CHRM5: variants seen among roughly 807,000 people sequenced by gnomAD.
The protein encoded by CHRM5 is muscarinic acetylcholine receptor M5.
In CHRM5, 18 loss-of-function variants were observed where a neutral mutation model predicts 39.0. That is an observed-to-expected ratio of 0.46 (90% CI 0.32 to 0.68). The LOEUF (loss-of-function observed/expected upper bound fraction) is 0.68. CHRM5 is among the 30% of genes least tolerant of loss of function. The pLI, the probability that CHRM5 is intolerant of heterozygous loss-of-function variation, is 0.04. For missense variants in CHRM5, 515 were observed against 651.1 expected, an observed-to-expected ratio of 0.79 and a Z score of 2.28; for synonymous variants, 241 against 246.3, an observed-to-expected ratio of 0.98 and a Z score of 0.20.
At chr15:34,000,765 GA>G (rs922338643) in intron 1 of CHRM5, among the ~76,000 whole-genome samples, 1 of 152,052 alleles carries the variant, frequency 6.6e-6, no homozygotes, top group African/African-American at 2.4e-5. Flanking sequence ...ATCCTGAGAA[GA>G]AACTGATAAA....
chr15:34,024,664 A>C (rs1379020560), intron 1 of CHRM5, among the ~76,000 whole-genome samples: 1 of 150,500 alleles, frequency 6.6e-6, no homozygotes, highest in Non-Finnish European at 1.5e-5. Flanking sequence ...CAGCCTGACC[A>C]ACATGGTGAA....
intron 1 of CHRM5, among the ~76,000 whole-genome samples, chr15:34,043,498 A>G (rs1373443767): frequency 1.3e-5 from 2 of 152,116 alleles, no homozygotes; most frequent in African/African-American, 4.8e-5. Context: ...TTTATTTACT[A>G]TGTTGTTTTG....
intron 1 of CHRM5, chr15:34,006,952 G>T: frequency 1.8e-6 from 1 of 557,886 alleles, no homozygotes; most frequent in Non-Finnish European, 2.3e-6. Context: ...ATACTGATCA[G>T]AAAACAAGGT....
chr15:34,039,065 G>A, intron 1 of CHRM5: 4 of 1,091,548 alleles, frequency 3.7e-6, no homozygotes, highest in Non-Finnish European at 4.4e-6. Context: ...CGCTGGCGGT[G>A]CTGAGCGCGC....
chr15:34,014,694 A>G (rs745659605), intron 1 of CHRM5, among the ~76,000 whole-genome samples: 12 of 152,190 alleles, frequency 7.9e-5, no homozygotes, highest in Non-Finnish European at 1.6e-4. Flanking sequence ...ACTCAACTGG[A>G]AAGTTCAGCG....
chr15:33,978,223 C>A (rs192456262), intron 1 of CHRM5, among the ~76,000 whole-genome samples: 1 of 152,130 alleles, frequency 6.6e-6, no homozygotes, highest in African/African-American at 2.4e-5. Flanking sequence ...CAAAGTGACA[C>A]GTATTACTAA....
intron 1 of CHRM5, among the ~76,000 whole-genome samples, chr15:34,032,627 G>A (rs1225046654): frequency 6.6e-6 from 1 of 151,652 alleles, no homozygotes; most frequent in Non-Finnish European, 1.5e-5. Context: ...CATACCTAGG[G>A]GTTCAGAAAG....
chr15:34,010,041 G>A (rs1158327895), intron 1 of CHRM5, among the ~76,000 whole-genome samples: 1 of 151,854 alleles, frequency 6.6e-6, no homozygotes, highest in African/African-American at 2.4e-5. Context: ...AATATATGAA[G>A]CAAAAACTGA....
At chr15:34,061,540 C>T (rs932643296) in intron 2 of CHRM5, among the ~76,000 whole-genome samples, 1 of 152,088 alleles carries the variant, frequency 6.6e-6, no homozygotes, top group Non-Finnish European at 1.5e-5. Flanking sequence ...TTAGTATATG[C>T]ATATGGGAAA....
chr15:33,983,169 TGTATATATACACAC>T (rs1185452963), intron 1 of CHRM5, among the ~76,000 whole-genome samples: 2 of 110,490 alleles, frequency 1.8e-5, no homozygotes, highest in African/African-American at 9.4e-5. Context: ...TATGTGTGTG[TGTATATATACACAC>T]GTGTGTGTAT....
At chr15:34,004,930 A>G (rs913987538) in intron 1 of CHRM5, among the ~76,000 whole-genome samples, 2 of 152,160 alleles carry the variant, frequency 1.3e-5, no homozygotes, top group Non-Finnish European at 2.9e-5. Context: ...GAGTAAAATT[A>G]TTAAAACAAC....
At chr15:34,040,078 C>A (rs773975887) in intron 1 of CHRM5, among the ~76,000 whole-genome samples, 8 of 152,164 alleles carry the variant, frequency 5.3e-5, no homozygotes, top group South Asian at 2.1e-4. Context: ...CTGGTTCTTT[C>A]CTATATCCAT....
chr15:34,036,000 T>C (rs1424234826), intron 1 of CHRM5, among the ~76,000 whole-genome samples: 1 of 152,112 alleles, frequency 6.6e-6, no homozygotes, highest in East Asian at 1.9e-4. Context: ...CTCGTTATGT[T>C]GCCCAGTCTG....
intron 1 of CHRM5, among the ~76,000 whole-genome samples, chr15:33,973,074 T>C (rs781354064): frequency 6.6e-6 from 1 of 152,228 alleles, no homozygotes; most frequent in Non-Finnish European, 1.5e-5. Context: ...TCTCCATTTT[T>C]TGTATTGAAA....
intron 1 of CHRM5, among the ~76,000 whole-genome samples, chr15:34,043,448 A>G (rs1156659404): frequency 6.6e-6 from 1 of 152,186 alleles, no homozygotes; most frequent in Non-Finnish European, 1.5e-5. Flanking sequence ...TATATAAACA[A>G]TGCAAACTGG....
chr15:34,048,270 A>C (rs931422035), intron 2 of CHRM5, among the ~76,000 whole-genome samples: 3 of 152,164 alleles, frequency 2.0e-5, no homozygotes, highest in African/African-American at 7.2e-5. Context: ...GGTTATATGG[A>C]TAGAGCTCTG....
chr15:34,045,244 G>A (rs984585207), intron 1 of CHRM5, among the ~76,000 whole-genome samples: 3 of 152,108 alleles, frequency 2.0e-5, no homozygotes, highest in Non-Finnish European at 2.9e-5. Context: ...GCACACTAGT[G>A]AACACAAAGT....
intron 1 of CHRM5, among the ~76,000 whole-genome samples, chr15:33,975,296 A>G (rs1895837607): frequency 6.6e-6 from 1 of 152,152 alleles, no homozygotes; most frequent in Non-Finnish European, 1.5e-5. Context: ...ACTGCCAAAT[A>G]CTCTAACCTA....
chr15:34,051,927 G>C (rs1456292358), intron 2 of CHRM5, among the ~76,000 whole-genome samples: 1 of 151,840 alleles, frequency 6.6e-6, no homozygotes, highest in Non-Finnish European at 1.5e-5. Context: ...GGTACAAAGA[G>C]CTGGTACCAC....
Sources: allele counts gnomAD v4.1 joint callset (sites outside exome capture counted in the v4.1 genomes callset), GRCh38; gene constraint gnomAD v4.1.1; transcripts MANE v1.5; gene names NCBI Gene and HGNC (gene_info 2026-07-23, HGNC 2026-07-21).